Variants in ACACA observed in about 807,000 individuals in gnomAD.
The protein encoded by ACACA is acetyl-CoA carboxylase 1.
A neutral mutation model predicts 296.1 loss-of-function variants in ACACA; 103 were observed. The ratio of observed to expected loss-of-function variants is 0.35; its 90% CI spans 0.30 to 0.41. The LOEUF (loss-of-function observed/expected upper bound fraction) is 0.41. ACACA is among the 10% of genes least tolerant of loss of function. ACACA has a pLI of 1.00. For missense variants in ACACA, 1,554 were observed against 2,989.7 expected (o/e 0.52, Z 11.20); for synonymous variants, 953 against 1,038.6 (o/e 0.92, Z 1.58).
chr17:37,106,317 T>C (rs2073684327), intron 52 of ACACA, among the ~76,000 whole-genome samples: 1 of 152,200 alleles, frequency 6.6e-6, no homozygotes, highest in Admixed American at 6.5e-5. Flanking sequence ...AGGCAAATAA[T>C]CCTTTTGTAA....
intron 30 of ACACA, among the ~76,000 whole-genome samples, chr17:37,208,978 G>A (rs954650215): frequency 2.0e-5 from 3 of 152,186 alleles, no homozygotes; most frequent in South Asian, 2.1e-4. Flanking sequence ...GTACCCTATC[G>A]CAAATCATAA....
intron 41 of ACACA, among the ~76,000 whole-genome samples, chr17:37,173,059 A>C (rs1234884870): frequency 6.6e-6 from 1 of 152,238 alleles, no homozygotes; most frequent in East Asian, 1.9e-4. Flanking sequence ...GGTAAAGTAC[A>C]TCCAAATTAG....
chr17:37,344,970 C>A (rs1232692702), intron 1 of ACACA, among the ~76,000 whole-genome samples: 2 of 152,138 alleles, frequency 1.3e-5, no homozygotes, highest in African/African-American at 2.4e-5. Flanking sequence ...GGGATACCAG[C>A]AACAGTAAGG....
At chr17:37,245,291 C>T in intron 19 of ACACA, 77 bp from the exon 20 acceptor site, 1 of 1,501,040 alleles carries the variant, frequency 6.7e-7, no homozygotes, top group Admixed American at 1.7e-5. Context: ...AAAATTTTTC[C>T]CTTAGCATCT....
At chr17:37,373,595 C>T (rs1181569562) in intron 1 of ACACA, among the ~76,000 whole-genome samples, 1 of 152,082 alleles carries the variant, frequency 6.6e-6, no homozygotes, top group Non-Finnish European at 1.5e-5. Flanking sequence ...GTAGGGTCTG[C>T]GAGGTGATCA....
At chr17:37,189,371 TGTG>T (rs1422054978) in intron 38 of ACACA, among the ~76,000 whole-genome samples, 1 of 152,232 alleles carries the variant, frequency 6.6e-6, no homozygotes, top group Non-Finnish European at 1.5e-5. Flanking sequence ...CCCTTTCTCT[TGTG>T]GTTCTTTAGT....
intron 3 of ACACA, among the ~76,000 whole-genome samples, chr17:37,327,355 A>G (rs1274037558): frequency 1.3e-5 from 2 of 152,224 alleles, no homozygotes; most frequent in Non-Finnish European, 2.9e-5. Context: ...AAGTGACTTA[A>G]GGAATGGATA....
At chr17:37,289,497 C>A (rs1202873120) in intron 3 of ACACA, 1 of 1,351,974 alleles carries the variant, frequency 7.4e-7, no homozygotes, top group African/African-American at 1.5e-5. Context: ...CTCTAGGCAC[C>A]TCCACTTCAT....
intron 45 of ACACA, among the ~76,000 whole-genome samples, chr17:37,131,814 C>T (rs2075111183): frequency 6.6e-6 from 1 of 152,222 alleles, no homozygotes. Flanking sequence ...AGCAAAATTG[C>T]TCTCAGATTA....
At chr17:37,230,528 C>T (rs1467261074) in intron 25 of ACACA, among the ~76,000 whole-genome samples, 1 of 152,126 alleles carries the variant, frequency 6.6e-6, no homozygotes, top group Non-Finnish European at 1.5e-5. Flanking sequence ...TCTCCACTGT[C>T]ATCATTAATA....
At chr17:37,180,537 T>G (rs1230609131) in intron 40 of ACACA, among the ~76,000 whole-genome samples, 1 of 152,206 alleles carries the variant, frequency 6.6e-6, no homozygotes, top group Non-Finnish European at 1.5e-5. Flanking sequence ...CTTTACTGGT[T>G]GCATTTTCTA....
intron 3 of ACACA, among the ~76,000 whole-genome samples, chr17:37,304,401 C>T (rs911977157): frequency 6.6e-6 from 1 of 152,092 alleles, no homozygotes; most frequent in African/African-American, 2.4e-5. Flanking sequence ...AGGAAATCCA[C>T]CCCGCTTGCC....
intron 50 of ACACA, among the ~76,000 whole-genome samples, chr17:37,118,043 T>G (rs551555531): frequency 1.3e-5 from 2 of 152,316 alleles, no homozygotes; most frequent in Admixed American, 1.3e-4. Context: ...GCCCTCAGTT[T>G]AGGTCCCTTT....
intron 1 of ACACA, among the ~76,000 whole-genome samples, chr17:37,402,356 C>CA (rs2051320588): frequency 6.6e-6 from 1 of 151,988 alleles, no homozygotes; most frequent in African/African-American, 2.4e-5. Context: ...GTTAAGAGTG[C>CA]ATATGAGAAA....
At chr17:37,192,517 A>G (rs1017647546) in intron 36 of ACACA, among the ~76,000 whole-genome samples, 3 of 152,220 alleles carry the variant, frequency 2.0e-5, no homozygotes, top group Admixed American at 1.3e-4. Flanking sequence ...ATAGGATGAT[A>G]TTCCTAAACT....
At chr17:37,210,559 C>G (rs2078700174) in intron 29 of ACACA, 69 bp from the exon 30 acceptor site, 5 of 1,452,730 alleles carry the variant, frequency 3.4e-6, no homozygotes, top group Non-Finnish European at 4.8e-6. Flanking sequence ...ATTGTCAGAG[C>G]AGATATAGAC....
chr17:37,270,628 AG>A, intron 10 of ACACA, 122 bp downstream of exon 10: 1 of 751,640 alleles, frequency 1.3e-6, no homozygotes, highest in Admixed American at 2.2e-5. Context: ...AGAGAAAGAC[AG>A]TTAGCTATAG....
intron 3 of ACACA, among the ~76,000 whole-genome samples, chr17:37,314,950 CTTTTTTTTTTTT>C (rs71284913): frequency 1.6e-5 from 1 of 60,806 alleles, no homozygotes; most frequent in African/African-American, 8.2e-5. Context: ...GCCAGGAATG[CTTTTTTTTTTTT>C]TTTTTTTTTT....
At chr17:37,364,494 T>G (rs928170620) in intron 1 of ACACA, among the ~76,000 whole-genome samples, 1 of 148,826 alleles carries the variant, frequency 6.7e-6, no homozygotes, top group African/African-American at 2.5e-5. Flanking sequence ...CTTACGAGGC[T>G]GAGGCAGGAG....
Sources: allele counts gnomAD v4.1 joint callset (sites outside exome capture counted in the v4.1 genomes callset), GRCh38; gene constraint gnomAD v4.1.1; transcripts MANE v1.5; gene names NCBI Gene and HGNC (gene_info 2026-07-23, HGNC 2026-07-21).